The following NEK6 variants were observed in gnomAD, a reference collection of about 807,000 sequenced individuals.
NEK6 encodes the protein NIMA related kinase 6.
A neutral mutation model predicts 43.5 loss-of-function variants in NEK6; 27 were observed. The observed-to-expected ratio is 0.62, with a 90% CI of 0.46 to 0.86. The LOEUF is 0.86. Among genes scored for constraint, NEK6 ranks in the 40% least tolerant of loss-of-function variants. The pLI, the probability that NEK6 is intolerant of heterozygous loss-of-function variation, is 0.00. For missense variants in NEK6, 318 were observed against 414.4 expected, an observed-to-expected ratio of 0.77 and a Z score of 2.02; for synonymous variants, 167 against 164.1, an observed-to-expected ratio of 1.02 and a Z score of -0.14.
At chr9:124,260,727 G>A (rs892799590) in intron 1 of NEK6, among the ~76,000 whole-genome samples, 4 of 152,184 alleles carry the variant, frequency 2.6e-5, no homozygotes, top group Non-Finnish European at 5.9e-5. Flanking sequence ...AGGATATACT[G>A]TGTGCTAGGT....
At chr9:124,342,534 G>A (rs958970198) in intron 8 of NEK6, among the ~76,000 whole-genome samples, 1 of 152,224 alleles carries the variant, frequency 6.6e-6, no homozygotes, top group Non-Finnish European at 1.5e-5. Flanking sequence ...TGAGGTGCCC[G>A]AGTCAGAGAA....
Position 124,343,804 on chromosome 9 carries a change from C to T in NEK6, c.718-3905C>T, listed in dbSNP as rs943983951. On this transcript the variant is annotated intron_variant, in intron 8 of 9. Coordinates refer to ENST00000320246, the MANE Select transcript of NEK6 (RefSeq NM_014397.6). This position sits in a 1 kb window ranked among gnomAD's most constrained non-coding sequence, Gnocchi z 5.1. ...CCTGGGCCCTGGTGACAGACACAGC[C>T]GGAGAAAACCTGCCCTTCCCCAAGC... Among the ~76,000 whole-genome samples, 4 of 152,152 alleles carry T rather than the reference C, an allele frequency of 2.6e-5. No individual in the cohort carries two copies. The highest frequency in any genetic ancestry group is 2.0e-4 in the Admixed American group (3 of 15,288).
chr9:124,288,357 C>T (rs1360023407), intron 1 of NEK6, among the ~76,000 whole-genome samples: 1 of 152,190 alleles, frequency 6.6e-6, no homozygotes, highest in African/African-American at 2.4e-5. Flanking sequence ...ACCTCTGCCT[C>T]CTGGGTTCAA....
At chr9:124,313,811 C>T (rs1403102440) in intron 3 of NEK6, 112 bp from the exon 4 acceptor site, 24 of 1,025,142 alleles carry the variant, frequency 2.3e-5, no homozygotes, top group Non-Finnish European at 3.4e-5. Flanking sequence ...GTCACAGAGT[C>T]CCTTGGTGAG....
chr9:124,310,396 G>A (rs1406995166), intron 2 of NEK6, among the ~76,000 whole-genome samples: 2 of 152,206 alleles, frequency 1.3e-5, no homozygotes, highest in Admixed American at 6.5e-5. Context: ...GGCACATGGT[G>A]GATAAAATCA....
chr9:124,279,582 C>T (rs1315565079), intron 1 of NEK6, among the ~76,000 whole-genome samples: 2 of 152,186 alleles, frequency 1.3e-5, no homozygotes, highest in Non-Finnish European at 2.9e-5. Flanking sequence ...GGATTACATG[C>T]GTGAGCCACG....
intron 1 of NEK6, among the ~76,000 whole-genome samples, chr9:124,299,669 G>A (rs1832857816): frequency 6.6e-6 from 1 of 152,140 alleles, no homozygotes; most frequent in South Asian, 2.1e-4. Flanking sequence ...CTGAGGCAGA[G>A]GCAGGGGTGG....
chr9:124,275,123 A>G lies in NEK6; in HGVS notation c.-30+17038A>G, dbSNP rs565180018. Among the ~76,000 whole-genome samples the G allele has an allele frequency of 6.6e-6, 1 of 152,346 alleles. No individual in the cohort carries two copies. Reference sequence around the variant, plus strand: ...GAGGGTGAGACTGTGCACAGCACACAGTGGGAATTCCACAGATAACAGAAG... The same window carrying G: ...GAGGGTGAGACTGTGCACAGCACACGGTGGGAATTCCACAGATAACAGAAG... On this transcript the variant is annotated intron_variant, in intron 1 of 9. Transcript: ENST00000320246. This position sits in a 1 kb window ranked among gnomAD's most constrained non-coding sequence, Gnocchi z 4.4.
At chr9:124,280,128 C>G (rs1831829314) in intron 1 of NEK6, among the ~76,000 whole-genome samples, 1 of 152,216 alleles carries the variant, frequency 6.6e-6, no homozygotes, top group African/African-American at 2.4e-5. Context: ...CCTGGAATTC[C>G]AGGTGTGCCT....
chr9:124,298,226 G>A (rs938160106), intron 1 of NEK6, among the ~76,000 whole-genome samples: 6 of 151,338 alleles, frequency 4.0e-5, no homozygotes, highest in African/African-American at 1.2e-4. Context: ...TCCCCCTCGC[G>A]CCTCCCCACC....
chr9:124,282,641 G>C (rs942418173), intron 1 of NEK6, among the ~76,000 whole-genome samples: 1 of 152,184 alleles, frequency 6.6e-6, no homozygotes, highest in African/African-American at 2.4e-5. Flanking sequence ...GGTCAGACAC[G>C]CCCACTGAAT....
At position 124,275,393 on chromosome 9, in the gene NEK6, G is replaced by T. The variant is rs117585522; in HGVS notation, c.-30+17308G>T. Among the ~76,000 whole-genome samples the T allele has an allele frequency of 7.8e-4, 118 of 152,240 alleles. 1 individual carries two copies. The highest frequency in any genetic ancestry group is 1.5e-3 in the Non-Finnish European group (102 of 68,008). On this transcript the variant is annotated intron_variant, in intron 1 of 9. Coordinates refer to ENST00000320246, the MANE Select transcript of NEK6 (RefSeq NM_014397.6). This position sits in a 1 kb window ranked among gnomAD's most constrained non-coding sequence, Gnocchi z 4.4. Reference sequence around the variant, plus strand: ...GTGGAGGGGTGACCTGGTTGATGACGGTCATGGAGCCCAGAACCCATGGGT... The same window carrying T: ...GTGGAGGGGTGACCTGGTTGATGACTGTCATGGAGCCCAGAACCCATGGGT...
chr9:124,261,383 C>G (rs1831024575), intron 1 of NEK6: 1 of 984,988 alleles, frequency 1.0e-6, no homozygotes. Context: ...TCAGGCTAGA[C>G]CAAGCAAGGG....
intron 2 of NEK6, among the ~76,000 whole-genome samples, chr9:124,307,922 C>T (rs1465094586): frequency 2.6e-5 from 4 of 152,196 alleles, no homozygotes; most frequent in Non-Finnish European, 4.4e-5. Context: ...TGGGCTTGTC[C>T]ACTGCTCAGG....
At chr9:124,328,609 C>T (rs1828795042) in intron 7 of NEK6, among the ~76,000 whole-genome samples, 1 of 152,244 alleles carries the variant, frequency 6.6e-6, no homozygotes, top group South Asian at 2.1e-4. Context: ...CCCCAGACCC[C>T]CGAGTGCCTG....
rs959645263 is a variant in NEK6, at chr9:124,342,020, A to C, written c.717+2355A>C. On this transcript the variant is annotated intron_variant, in intron 8 of 9. Transcript: ENST00000320246. ...CTGCTGGTGTGTGTCCCCCAGGAGG[A>C]GTCGTGAGTTCCAGTCTCTCCAGGA... is the stretch of plus-strand genomic sequence containing the variant. Among the ~76,000 whole-genome samples the C allele has an allele frequency of 3.9e-5, 6 of 152,172 alleles. No individual in the cohort carries two copies. The East Asian group carries it at 5.8e-4, about 15-fold the overall frequency.
chr9:124,293,077 C>T (rs1832504738), intron 1 of NEK6: 6 of 1,416,266 alleles, frequency 4.2e-6, no homozygotes, highest in Non-Finnish European at 5.6e-6. Flanking sequence ...GCTAGCGGGC[C>T]TGGGACTCCT....
intron 7 of NEK6, among the ~76,000 whole-genome samples, chr9:124,336,010 C>T (rs547611597): frequency 5.9e-5 from 9 of 151,966 alleles, no homozygotes; most frequent in Non-Finnish European, 1.2e-4. Flanking sequence ...GAGGCCAAAG[C>T]GGGCAGATAC....
chr9:124,320,350 G>A (rs1834005781), intron 4 of NEK6, among the ~76,000 whole-genome samples: 1 of 152,212 alleles, frequency 6.6e-6, no homozygotes, highest in Non-Finnish European at 1.5e-5. Context: ...GCTGGCTTGG[G>A]GAATGAATGA....
Sources: allele counts gnomAD v4.1 joint callset (sites outside exome capture counted in the v4.1 genomes callset), GRCh38; gene constraint gnomAD v4.1.1; non-coding constraint Gnocchi (gnomAD v3.1); transcripts MANE v1.5; gene names NCBI Gene and HGNC (gene_info 2026-07-23, HGNC 2026-07-21).